CSMD3: variants seen among roughly 807,000 people sequenced by gnomAD.
CSMD3 encodes the protein CUB and sushi domain-containing protein 3.
CSMD3 carries 177 observed loss-of-function variants against 435.2 expected under a neutral mutation model. That is an observed-to-expected ratio of 0.41 (90% CI 0.36 to 0.46). The LOEUF is 0.46. CSMD3 is among the 20% of genes least tolerant of loss of function. CSMD3 has a pLI of 0.34. For missense variants in CSMD3, 4,265 were observed against 4,504.6 expected, an observed-to-expected ratio of 0.95 and a Z score of 1.52; for synonymous variants, 1,656 against 1,520.5, an observed-to-expected ratio of 1.09 and a Z score of -2.07.
At chr8:112,825,680 G>A (rs2079657130) in intron 12 of CSMD3, among the ~76,000 whole-genome samples, 1 of 152,158 alleles carries the variant, frequency 6.6e-6, no homozygotes, top group Non-Finnish European at 1.5e-5. Context: ...TGAGGAGGCT[G>A]GAGAACAGCA....
Position 112,304,849 on chromosome 8 carries a change from G to A in CSMD3, c.8138C>T (p.Ser2713Phe), listed in dbSNP as rs1403892591. The A allele has an allele frequency of 6.2e-7, 1 of 1,613,828 alleles. No homozygotes were observed. Among genetic ancestry groups the A allele is most frequent in the Non-Finnish European group, 8.5e-7 (1 of 1,179,854 alleles). ...TACTTTGGTTTTGTATTCATAATGGGAGCCATTCACAATTCGCCATCTTCC... is the reference window on the plus strand; with the variant it reads ...TACTTTGGTTTTGTATTCATAATGGAAGCCATTCACAATTCGCCATCTTCC... The part of the protein sequence containing the change: ...EHGRWRIVNG[S>F]HYEYKTKVVF... Residue 2713 changes from serine to phenylalanine, a missense_variant, in exon 52 of 71, where the codon TCC becomes TTC. Around this residue, in one of 3 missense-constraint regions of CSMD3, gnomAD observed 3,255 missense variants for 3,380.2 expected, o/e 0.96. Coordinates refer to ENST00000297405, the MANE Select transcript of CSMD3 (RefSeq NM_198123.2).
At chr8:112,744,901 GCTTTATCTTGAGC>G (rs1305217985) in intron 13 of CSMD3, among the ~76,000 whole-genome samples, 2 of 152,136 alleles carry the variant, frequency 1.3e-5, no homozygotes, top group African/African-American at 4.8e-5. Context: ...AGAAGCTCCA[GCTTTATCTTGAGC>G]ACACTGTAAA....
At chr8:113,298,809 T>G (rs898596587) in intron 2 of CSMD3, among the ~76,000 whole-genome samples, 2 of 151,962 alleles carry the variant, frequency 1.3e-5, no homozygotes, top group South Asian at 2.1e-4. Flanking sequence ...ACAGAAAGGA[T>G]AGCAAACAGT....
At chr8:113,105,249 T>C (rs2090440980) in intron 4 of CSMD3, among the ~76,000 whole-genome samples, 2 of 152,068 alleles carry the variant, frequency 1.3e-5, no homozygotes, top group South Asian at 4.1e-4. Flanking sequence ...AGAACTGTGA[T>C]CTAAGAGAGG....
rs943912855 is a variant in CSMD3, at chr8:112,612,907, T to A, written c.3715+23910A>T. Among the ~76,000 whole-genome samples, 14 of 151,126 alleles carry A rather than the reference T, an allele frequency of 9.3e-5. No individual in the cohort carries two copies. The East Asian group carries it at 1.2e-3, about 13-fold the overall frequency. ...TACGTGGCTAATTATTATTATTATT[T>A]TTTTTTTGAGAGACAGAGGAGTGCA... On this transcript the variant is annotated intron_variant, in intron 22 of 70. Transcript: ENST00000297405.
At chr8:113,197,815 T>C (rs2092675628) in intron 3 of CSMD3, among the ~76,000 whole-genome samples, 1 of 151,284 alleles carries the variant, frequency 6.6e-6, no homozygotes, top group African/African-American at 2.4e-5. Context: ...ATTTATTTTA[T>C]ATATTCAACA....
At chr8:113,043,884 A>G (rs150745154) in intron 5 of CSMD3, among the ~76,000 whole-genome samples, 8 of 152,222 alleles carry the variant, frequency 5.3e-5, no homozygotes, top group African/African-American at 1.7e-4. Flanking sequence ...TTTTATAAGC[A>G]CATACATGAG....
intron 45 of CSMD3, among the ~76,000 whole-genome samples, chr8:112,320,996 A>G (rs753624444): frequency 6.6e-6 from 1 of 152,174 alleles, no homozygotes; most frequent in Non-Finnish European, 1.5e-5. Flanking sequence ...CAAAGTCTCT[A>G]TGAATCCAAG....
intron 1 of CSMD3, among the ~76,000 whole-genome samples, chr8:113,386,777 T>TA (rs2094441227): frequency 6.6e-6 from 1 of 151,866 alleles, no homozygotes; most frequent in African/African-American, 2.4e-5. Flanking sequence ...GAGCCTCACT[T>TA]AGTTTTACCG....
rs1421142654 is a variant in CSMD3 at position 112,406,658 on chromosome 8, T to C, written c.5675A>G (p.Asn1892Ser). 6 of 1,612,428 alleles carry C rather than the reference T, an allele frequency of 3.7e-6. No individual in the cohort carries two copies. The highest frequency in any genetic ancestry group is 1.6e-4 in the Middle Eastern group (1 of 6,076). Reference protein sequence around the residue: ...PEPRFGRRIGNEFAVGSSVLF... With the variant: ...PEPRFGRRIGSEFAVGSSVLF... ...AACCGATGAACCGACTGCAAATTCA[T>C]TGCCAATTCTTCTTCCGAATCTTGG... The change falls in exon 35 of 71, where the codon AAT (asparagine) becomes AGT (serine). Residue 1892 changes from asparagine (N) to serine (S), a missense_variant. By Grantham distance (46) the Asn-to-Ser change is conservative. Around this residue, in one of 3 missense-constraint regions of CSMD3, gnomAD observed 3,255 missense variants for 3,380.2 expected, o/e 0.96. Coordinates refer to ENST00000297405, the MANE Select transcript of CSMD3 (RefSeq NM_198123.2).
intron 6 of CSMD3, among the ~76,000 whole-genome samples, chr8:113,018,443 T>G (rs2086555377): frequency 6.6e-6 from 1 of 151,980 alleles, no homozygotes; most frequent in Non-Finnish European, 1.5e-5. Context: ...GATACACTAC[T>G]GAGAATGAAA....
intron 9 of CSMD3, among the ~76,000 whole-genome samples, chr8:112,924,646 T>A (rs2130655544): frequency 6.6e-6 from 1 of 151,598 alleles, no homozygotes; most frequent in Non-Finnish European, 1.5e-5. Context: ...AATAAATAAC[T>A]GTTTTGCTAC....
chr8:113,239,412 C>T (rs11997737), intron 3 of CSMD3, among the ~76,000 whole-genome samples: 24,589 of 151,890 alleles, frequency 0.16, 3,974 homozygotes, highest in African/African-American at 0.42. Flanking sequence ...ATCAGATGAA[C>T]GTATGCCACT....
At chr8:113,218,196 C>A (rs2092927827) in intron 3 of CSMD3, among the ~76,000 whole-genome samples, 1 of 148,400 alleles carries the variant, frequency 6.7e-6, no homozygotes, top group African/African-American at 2.5e-5. Flanking sequence ...TGACATGAGG[C>A]ACAAAACTAT....
intron 45 of CSMD3, among the ~76,000 whole-genome samples, chr8:112,325,768 C>T (rs1280655470): frequency 2.6e-5 from 4 of 151,822 alleles, no homozygotes; most frequent in African/African-American, 4.8e-5. Flanking sequence ...TCTTTGGGTT[C>T]GAATCTTATT....
At chr8:112,649,612 A>C (rs542731651) in intron 19 of CSMD3, among the ~76,000 whole-genome samples, 113 of 152,314 alleles carry the variant, frequency 7.4e-4, no homozygotes, top group African/African-American at 2.7e-3. Flanking sequence ...TTCCTGAAAA[A>C]TGAAGCACTT....
intron 3 of CSMD3, among the ~76,000 whole-genome samples, chr8:113,174,160 C>G (rs897939510): frequency 2.0e-5 from 3 of 152,044 alleles, no homozygotes; most frequent in African/African-American, 7.2e-5. Flanking sequence ...ATTACTTAGT[C>G]TTCAGAGCAT....
At chr8:112,955,792 G>A (rs1187515002) in intron 7 of CSMD3, among the ~76,000 whole-genome samples, 2 of 151,706 alleles carry the variant, frequency 1.3e-5, no homozygotes, top group Admixed American at 6.6e-5. Flanking sequence ...AAGGATGACA[G>A]CCTTAAATGT....
rs568884063 is a variant in CSMD3 at position 112,594,170 on chromosome 8, G to A, written c.3716-6935C>T. ...AGGTCAGTGGGTGCACGCACCGTGT[G>A]CGAGCCGAAGCAGGGCGAGGCATTG... is the stretch of plus-strand genomic sequence containing the variant. On this transcript the variant is annotated intron_variant, in intron 22 of 70. Transcript: ENST00000297405. Among the ~76,000 whole-genome samples, 414 of 151,804 alleles carry A rather than the reference G, an allele frequency of 2.7e-3. 1 individual carries two copies. The highest frequency in any genetic ancestry group is 9.5e-3 in the African/African-American group (393 of 41,250).
Sources: gnomAD v4.1 joint callset for allele counts (sites outside exome capture counted in the v4.1 genomes callset) on GRCh38, gnomAD v4.1.1 for gene constraint, gnomAD v4.1.1 regional missense constraint, MANE v1.5 for transcripts, NCBI Gene and HGNC (gene_info 2026-07-23, HGNC 2026-07-21) for gene names.